Variants in CSMD1 observed in about 807,000 individuals in gnomAD.
The protein encoded by CSMD1 is CUB and Sushi multiple domains 1, also known as CUB and sushi domain-containing protein 1.
In CSMD1, 213 loss-of-function variants were observed where a neutral mutation model predicts 417.5. The ratio of observed to expected loss-of-function variants is 0.51; its 90% CI spans 0.46 to 0.57. The LOEUF (loss-of-function observed/expected upper bound fraction) is 0.57. CSMD1 is among the 20% of genes least tolerant of loss of function. The pLI, the probability that CSMD1 is intolerant of heterozygous loss-of-function variation, is 0.00. For missense variants in CSMD1, 6,923 were observed against 4,529.7 expected, an observed-to-expected ratio of 1.53 and a Z score of -15.17; for synonymous variants, 2,862 against 1,736.8, an observed-to-expected ratio of 1.65 and a Z score of -16.11.
At chr8:3,483,161 A>C (rs568158095) in intron 11 of CSMD1, among the ~76,000 whole-genome samples, 1 of 152,228 alleles carries the variant, frequency 6.6e-6, no homozygotes, top group African/African-American at 2.4e-5. Context: ...AAACAGTAGA[A>C]AAAATAACGA....
chr8:4,793,758 T>C (rs1450259804), intron 1 of CSMD1, among the ~76,000 whole-genome samples: 1 of 151,742 alleles, frequency 6.6e-6, no homozygotes, highest in Non-Finnish European at 1.5e-5. Context: ...GGACATTCGT[T>C]TTACCATCTT....
rs190552620 is a variant in CSMD1 at position 3,285,906 on chromosome 8, A to C, written c.3951-1560T>G. Among the ~76,000 whole-genome samples, 165 of 152,158 alleles carry C rather than the reference A, an allele frequency of 1.1e-3. 1 individual carries two copies. Among genetic ancestry groups the C allele is most frequent in the African/African-American group, 3.9e-3 (162 of 41,520 alleles). ...GTGCAGGTTTGTTACATGTGTATACATGTGCCATGTTGGTCTGCTGCACCC... is the reference window on the plus strand; with the variant it reads ...GTGCAGGTTTGTTACATGTGTATACCTGTGCCATGTTGGTCTGCTGCACCC... On this transcript the variant is annotated intron_variant, in intron 25 of 69. Coordinates refer to ENST00000635120, the MANE Select transcript of CSMD1 (RefSeq NM_033225.6).
intron 5 of CSMD1, among the ~76,000 whole-genome samples, chr8:3,937,026 G>A (rs192154799): frequency 4.6e-4 from 70 of 152,266 alleles, no homozygotes; most frequent in Non-Finnish European, 7.9e-4. Flanking sequence ...TTTCAGTGGA[G>A]GAAGTAACTT....
chr8:4,565,752 ATATATATATATATATAT>A (rs1798571454), intron 2 of CSMD1, among the ~76,000 whole-genome samples: 1 of 1,008 alleles, frequency 9.9e-4, no homozygotes, highest in Admixed American at 0.013. Context: ...ATATATACAT[ATATATATATATATATAT>A]ATATATATAT....
chr8:4,621,458 C>T (rs190947965), intron 2 of CSMD1, among the ~76,000 whole-genome samples: 1 of 152,032 alleles, frequency 6.6e-6, no homozygotes, highest in African/African-American at 2.4e-5. Flanking sequence ...AAGCAGAGAT[C>T]AAGTGGATAT....
chr8:4,887,108 T>G (rs895628879), intron 1 of CSMD1, among the ~76,000 whole-genome samples: 14 of 152,040 alleles, frequency 9.2e-5, no homozygotes, highest in Non-Finnish European at 1.9e-4. Context: ...ATATAAACAT[T>G]TACAGCTATA....
In CSMD1 at chr8:4,624,529, C is replaced by T. The variant is rs540110990; in HGVS notation, c.302+12813G>A. On this transcript the variant is annotated intron_variant, in intron 2 of 69. Coordinates refer to ENST00000635120, the MANE Select transcript of CSMD1 (RefSeq NM_033225.6). ...ACACAGGTGCATTGCCTTTGGCCTGCACTGGAATTTAAACCGGAGGGGATT... is the reference window on the plus strand; with the variant it reads ...ACACAGGTGCATTGCCTTTGGCCTGTACTGGAATTTAAACCGGAGGGGATT... 4.3e-4 allele frequency among the ~76,000 whole-genome samples: 66 copies of T among 152,212 alleles called. 1 individual carries two copies. The highest frequency in any genetic ancestry group is 7.9e-4 in the Non-Finnish European group (54 of 68,014).
At chr8:3,712,846 G>C (rs1585118477) in intron 6 of CSMD1, among the ~76,000 whole-genome samples, 1 of 152,142 alleles carries the variant, frequency 6.6e-6, no homozygotes, top group African/African-American at 2.4e-5. Context: ...CAGAGGCCAG[G>C]GCTGGGGGAC....
chr8:3,564,523 G>T (rs1162952392), intron 10 of CSMD1, among the ~76,000 whole-genome samples: 1 of 150,082 alleles, frequency 6.7e-6, no homozygotes, highest in African/African-American at 2.4e-5. Context: ...ATATTTGTGT[G>T]TGTGTGTGTG....
intron 5 of CSMD1, among the ~76,000 whole-genome samples, chr8:3,872,667 G>C (rs1805554644): frequency 6.6e-6 from 1 of 151,906 alleles, no homozygotes; most frequent in Admixed American, 6.6e-5. Context: ...TATTTCCTGA[G>C]CCCTTCATTC....
intron 5 of CSMD1, among the ~76,000 whole-genome samples, chr8:3,959,575 C>A (rs992187809): frequency 6.6e-6 from 1 of 152,194 alleles, no homozygotes; most frequent in Admixed American, 6.5e-5. Flanking sequence ...GTTTTTGTCT[C>A]TTTTAATCTA....
Position 4,455,929 on chromosome 8 carries a change from C to CAAAAAAAAAAA in CSMD1, c.303-35875_303-35865dup, listed in dbSNP as rs71207091. 3.6e-3 allele frequency among the ~76,000 whole-genome samples: 42 copies of CAAAAAAAAAAA among 11,644 alleles called. 5 individuals are homozygous for CAAAAAAAAAAA. Among genetic ancestry groups the CAAAAAAAAAAA allele is most frequent in the Non-Finnish European group, 5.4e-3 (26 of 4,814 alleles). The allele number at this position is 11,644 out of a possible 152,430, so 7.6% of individuals were successfully genotyped here. The stretch of plus-strand genomic sequence containing the variant: ...GGGTGACAAAGTGAGACTCCAACTC[C>CAAAAAAAAAAA]AAAAAAAAAAAAAAAAAAAAAAAAA... On this transcript the variant is annotated intron_variant, in intron 2 of 69. Coordinates refer to ENST00000635120, the MANE Select transcript of CSMD1 (RefSeq NM_033225.6).
Position 3,052,635 on chromosome 8 carries a change from C to T in CSMD1, c.7487G>A (p.Gly2496Glu), listed in dbSNP as rs1453277112. 1 of 1,607,742 alleles carries T rather than the reference C, an allele frequency of 6.2e-7. No individual in the cohort carries two copies. The highest frequency in any genetic ancestry group is 8.5e-7 in the Non-Finnish European group (1 of 1,177,174). The stretch of plus-strand genomic sequence containing the variant: ...ACCGTTTCCTGGGGATTCTGGGATT[C>T]CACAGGACACAGCTGAAAAGAAATG... ...LTPLCQAVSCGIPESPGNGSF... is the reference protein window; with the variant it reads ...LTPLCQAVSCEIPESPGNGSF... The change falls in exon 50 of 70, where the codon GGA becomes GAA. Residue 2496 changes from glycine to glutamate, a missense_variant. Gly to Glu is a moderately conservative substitution (Grantham distance 98). Coordinates refer to ENST00000635120, the MANE Select transcript of CSMD1 (RefSeq NM_033225.6).
At chr8:4,413,128 T>G (rs76000541) in intron 3 of CSMD1, among the ~76,000 whole-genome samples, 1 of 152,168 alleles carries the variant, frequency 6.6e-6, no homozygotes, top group Admixed American at 6.5e-5. Context: ...GATGGATATA[T>G]AGAATATGGA....
intron 10 of CSMD1, among the ~76,000 whole-genome samples, chr8:3,499,424 G>C (rs1469375745): frequency 6.6e-6 from 1 of 152,122 alleles, no homozygotes; most frequent in Non-Finnish European, 1.5e-5. Context: ...TTTTCTGGCA[G>C]TGGTTGGCCT....
At position 3,219,403 on chromosome 8, in the gene CSMD1, A is replaced by G; in HGVS notation, c.4524T>C (p.Tyr1508=). 4 of 1,555,796 alleles carry G rather than the reference A, an allele frequency of 2.6e-6. No individual in the cohort carries two copies. Among genetic ancestry groups the G allele is most frequent in the Non-Finnish European group, 3.5e-6 (4 of 1,150,816 alleles). ...GGGGGCTGTTGGAATCTTCCCCTTCATAGATGTGTAGGAAGTCATAGCTGG... is the reference window on the plus strand; with the variant it reads ...GGGGGCTGTTGGAATCTTCCCCTTCGTAGATGTGTAGGAAGTCATAGCTGG... ...MEPSYDFLHI[Y]EGEDSNSPLI... is the part of the protein sequence containing the mutation. Residue 1508 remains tyrosine, a synonymous_variant, in exon 29 of 70, where the codon TAT becomes TAC. Coordinates refer to ENST00000635120, the MANE Select transcript of CSMD1 (RefSeq NM_033225.6).
chr8:3,060,826 G>C (rs1032798828), intron 49 of CSMD1, among the ~76,000 whole-genome samples: 4 of 152,242 alleles, frequency 2.6e-5, no homozygotes, highest in African/African-American at 7.2e-5. Flanking sequence ...CCCTATAAAA[G>C]GGCTTTATGG....
chr8:4,122,283 G>A (rs1802528101), intron 3 of CSMD1, among the ~76,000 whole-genome samples: 1 of 152,114 alleles, frequency 6.6e-6, no homozygotes, highest in South Asian at 2.1e-4. Flanking sequence ...GTTATTTATA[G>A]ATTTGCTGGT....
intron 1 of CSMD1, among the ~76,000 whole-genome samples, chr8:4,793,226 T>A (rs1448804030): frequency 6.6e-6 from 1 of 152,144 alleles, no homozygotes; most frequent in Non-Finnish European, 1.5e-5. Flanking sequence ...GACATGATCA[T>A]GAGTTAGTTT....
Sources: gnomAD v4.1 joint callset for allele counts (sites outside exome capture counted in the v4.1 genomes callset) on GRCh38, gnomAD v4.1.1 for gene constraint, MANE v1.5 for transcripts, NCBI Gene and HGNC (gene_info 2026-07-23, HGNC 2026-07-21) for gene names.